TRMT9B: variants seen among roughly 807,000 people sequenced by gnomAD.
TRMT9B encodes the protein probable tRNA methyltransferase 9B.
TRMT9B carries 16 observed loss-of-function variants against 11.5 expected under a neutral mutation model. The observed-to-expected ratio is 1.39, with a 90% CI of 0.94 to 2.11. The LOEUF is 2.11. Among genes scored for constraint, TRMT9B ranks in the 30% most tolerant of loss-of-function variants. TRMT9B has a pLI of 0.00. For synonymous variants in TRMT9B, 274 were observed against 192.4 expected, an observed-to-expected ratio of 1.42 and a Z score of -3.51; for missense variants, 941 against 553.8, an observed-to-expected ratio of 1.70 and a Z score of -7.02.
rs375459091 is a variant in TRMT9B at position 13,006,254 on chromosome 8, G to A, written c.52G>A (p.Glu18Lys). 9 of 1,613,996 alleles carry A rather than the reference G, an allele frequency of 5.6e-6. No individual in the cohort carries two copies. The highest frequency in any genetic ancestry group is 3.3e-5 in the South Asian group (3 of 91,064). ...GAAGCAGCATGTGCACAATGTGTACGAGAGCACAGCCCCTTACTTCAGCGA... is the reference window on the plus strand; with the variant it reads ...GAAGCAGCATGTGCACAATGTGTACAAGAGCACAGCCCCTTACTTCAGCGA... ...LEKQHVHNVY[E>K]STAPYFSDLQ... The change falls in exon 3 of 5, where the codon GAG becomes AAG. Residue 18 changes from glutamate to lysine, a missense_variant. Physicochemically the swap from Glu to Lys is moderately conservative, Grantham distance 56. Coordinates refer to ENST00000524591, the MANE Select transcript of TRMT9B (RefSeq NM_020844.3).
intron 1 of TRMT9B, among the ~76,000 whole-genome samples, chr8:12,974,875 T>C (rs1804195333): frequency 6.6e-6 from 1 of 152,086 alleles, no homozygotes; most frequent in Non-Finnish European, 1.5e-5. Context: ...TATGATCCCC[T>C]AAAAGATCAT....
intron 2 of TRMT9B, among the ~76,000 whole-genome samples, chr8:12,993,342 T>C (rs1429051812): frequency 1.3e-5 from 2 of 152,198 alleles, no homozygotes; most frequent in African/African-American, 4.8e-5. Flanking sequence ...CTTGAATTCA[T>C]AGAAGGAAAA....
intron 2 of TRMT9B, among the ~76,000 whole-genome samples, chr8:12,992,746 G>A (rs1448525566): frequency 6.6e-6 from 1 of 152,038 alleles, no homozygotes; most frequent in Non-Finnish European, 1.5e-5. Flanking sequence ...CTGTGGTCTT[G>A]TGGTCCCAGC....
chr8:12,983,223 G>C (rs940558148), intron 1 of TRMT9B, among the ~76,000 whole-genome samples: 2 of 152,188 alleles, frequency 1.3e-5, no homozygotes, highest in Non-Finnish European at 2.9e-5. Context: ...TCGATGGCAT[G>C]GTGAAAAGGT....
At chr8:12,967,013 C>T (rs1011126010) in intron 1 of TRMT9B, among the ~76,000 whole-genome samples, 1 of 152,158 alleles carries the variant, frequency 6.6e-6, no homozygotes, top group African/African-American at 2.4e-5. Flanking sequence ...CAGACACCGA[C>T]GGTGAATACT....
At chr8:12,998,912 C>G (rs951885132) in intron 2 of TRMT9B, among the ~76,000 whole-genome samples, 1 of 152,208 alleles carries the variant, frequency 6.6e-6, no homozygotes, top group African/African-American at 2.4e-5. Flanking sequence ...ACATCAAATA[C>G]TCAGAGTTGC....
chr8:12,975,408 A>T (rs1341381927), intron 1 of TRMT9B, among the ~76,000 whole-genome samples: 2 of 151,894 alleles, frequency 1.3e-5, no homozygotes, highest in African/African-American at 4.8e-5. Flanking sequence ...CCTTTCTTCT[A>T]AAAGTAGCAG....
intron 3 of TRMT9B, chr8:13,012,201 G>GT (rs1811744393): frequency 2.0e-6 from 2 of 984,884 alleles, no homozygotes; most frequent in Admixed American, 1.2e-4. Context: ...ATGAGAATCT[G>GT]TAAGTATTCG....
intron 2 of TRMT9B, among the ~76,000 whole-genome samples, chr8:13,000,822 G>T (rs893969471): frequency 1.3e-5 from 2 of 152,144 alleles, no homozygotes; most frequent in African/African-American, 2.4e-5. Context: ...CTTGGGAAAG[G>T]TGTGGTTGTA....
At chr8:12,958,377 A>T (rs1801592999) in intron 1 of TRMT9B, 1 of 152,196 alleles carries the variant, frequency 6.6e-6, no homozygotes, top group South Asian at 2.1e-4. Context: ...GAAGAAATTA[A>T]AAATGGAAGG....
intron 1 of TRMT9B, among the ~76,000 whole-genome samples, chr8:12,975,157 A>G (rs1804245156): frequency 6.6e-6 from 1 of 152,068 alleles, no homozygotes; most frequent in Non-Finnish European, 1.5e-5. Context: ...ATGTACGGCT[A>G]GGAGGGTTTG....
chr8:13,013,531 C>T (rs1016903592), intron 4 of TRMT9B, among the ~76,000 whole-genome samples: 1 of 152,126 alleles, frequency 6.6e-6, no homozygotes, highest in Non-Finnish European at 1.5e-5. Context: ...ATGACATCTG[C>T]CATATTTAAA....
chr8:12,964,069 A>C (rs1323931851), intron 1 of TRMT9B, among the ~76,000 whole-genome samples: 1 of 152,206 alleles, frequency 6.6e-6, no homozygotes, highest in Non-Finnish European at 1.5e-5. Context: ...TCATTTTCTA[A>C]CAATTTAGGA....
intron 1 of TRMT9B, among the ~76,000 whole-genome samples, chr8:12,987,152 G>T (rs1478947034): frequency 6.6e-6 from 1 of 152,144 alleles, no homozygotes; most frequent in South Asian, 2.1e-4. Context: ...AATTATCTGG[G>T]TTCAAATCCT....
In TRMT9B at chr8:13,027,438, G is replaced by A. The variant is rs572498363; in HGVS notation, c.*5394G>A. The A allele has an allele frequency of 1.9e-4, 32 of 167,126 alleles. No individual in the cohort carries two copies. Among genetic ancestry groups the A allele is most frequent in the African/African-American group, 7.2e-4 (30 of 41,554 alleles). 10.4% of individuals were successfully genotyped at this position (167,126 alleles called of 1,614,324 possible). On this transcript the variant is annotated 3_prime_UTR_variant, in exon 5 of 5. Coordinates refer to ENST00000524591, the MANE Select transcript of TRMT9B (RefSeq NM_020844.3). ...CCTAGACGTATTAACATCCTATAGC[G>A]CACGTGTTCTGTGGGATATATTTCA...
chr8:13,021,451 G>A lies in TRMT9B; in HGVS notation c.772G>A (p.Glu258Lys), dbSNP rs1813852369. ...CTGGTTTTTCTCCAGATCTTTGGAT[G>A]AATCGACTCTGAGGAAGCAAATTGA... ...RSWFFSRSLD[E>K]STLRKQIERV... Residue 258 changes from glutamate to lysine, a missense_variant, in exon 5 of 5, where the codon GAA becomes AAA. Transcript: ENST00000524591. 1 of 1,614,022 alleles carries A rather than the reference G, an allele frequency of 6.2e-7. No individual in the cohort carries two copies. The highest frequency in any genetic ancestry group is 8.5e-7 in the Non-Finnish European group (1 of 1,179,882).
chr8:12,950,316 A>T (rs996666563), intron 1 of TRMT9B, among the ~76,000 whole-genome samples: 2 of 152,166 alleles, frequency 1.3e-5, no homozygotes, highest in South Asian at 2.1e-4. Flanking sequence ...ACGAGTATTT[A>T]TCAGGTCCTA....
chr8:12,999,298 C>CAAAAAA (rs71207111), intron 2 of TRMT9B, among the ~76,000 whole-genome samples: 1 of 47,570 alleles, frequency 2.1e-5, no homozygotes, highest in Admixed American at 2.5e-4. Flanking sequence ...GACTCCATCT[C>CAAAAAA]AAAAAAAAAA....
At chr8:12,973,585 G>A (rs2128869551) in intron 1 of TRMT9B, among the ~76,000 whole-genome samples, 1 of 152,328 alleles carries the variant, frequency 6.6e-6, no homozygotes, top group South Asian at 2.1e-4. Context: ...ACGAAAGACA[G>A]GTGGCATTGG....
Sources: gnomAD v4.1 joint callset for allele counts (sites outside exome capture counted in the v4.1 genomes callset) on GRCh38, gnomAD v4.1.1 for gene constraint, MANE v1.5 for transcripts, NCBI Gene and HGNC (gene_info 2026-07-23, HGNC 2026-07-21) for gene names.